RCAN2: variants seen among roughly 807,000 people sequenced by gnomAD.
RCAN2 encodes regulator of calcineurin 2.
A neutral mutation model predicts 23.6 loss-of-function variants in RCAN2; 9 were observed. The observed-to-expected ratio is 0.38, with a 90% CI of 0.23 to 0.67. RCAN2 has a LOEUF of 0.67. RCAN2 is among the 30% of genes least tolerant of loss of function. The pLI is 0.51. For synonymous variants in RCAN2, 109 were observed against 115.7 expected, an observed-to-expected ratio of 0.94 and a Z score of 0.37; for missense variants, 273 against 302.3, an observed-to-expected ratio of 0.90 and a Z score of 0.72.
At chr6:46,432,699 G>A (rs1007206700) in intron 2 of RCAN2, among the ~76,000 whole-genome samples, 22 of 152,078 alleles carry the variant, frequency 1.4e-4, no homozygotes, top group African/African-American at 4.3e-4. Context: ...AATACATGCC[G>A]AAGATATTAG....
At chr6:46,454,490 G>A (rs1217821013) in intron 2 of RCAN2, among the ~76,000 whole-genome samples, 2 of 152,036 alleles carry the variant, frequency 1.3e-5, no homozygotes, top group Admixed American at 1.3e-4. Context: ...TTAAATCCAT[G>A]TCAGATTATT....
chr6:46,423,059 G>A (rs1393418240), intron 2 of RCAN2, among the ~76,000 whole-genome samples: 1 of 152,146 alleles, frequency 6.6e-6, no homozygotes, highest in Non-Finnish European at 1.5e-5. Context: ...TCCTGGGGAG[G>A]TCCAGGTGTT....
intron 1 of RCAN2, among the ~76,000 whole-genome samples, chr6:46,485,242 G>A (rs1166221850): frequency 3.3e-5 from 5 of 152,176 alleles, no homozygotes; most frequent in Non-Finnish European, 7.3e-5. Flanking sequence ...ATTATGCGTG[G>A]AAATGCTATG....
At chr6:46,240,842 CCTTA>C (rs1766279371) in intron 4 of RCAN2, among the ~76,000 whole-genome samples, 1 of 152,074 alleles carries the variant, frequency 6.6e-6, no homozygotes, top group African/African-American at 2.4e-5. Flanking sequence ...AGCAAAATTG[CCTTA>C]CTATGTCATG....
chr6:46,479,692 C>T (rs1156354762), intron 1 of RCAN2, among the ~76,000 whole-genome samples: 1 of 149,674 alleles, frequency 6.7e-6, no homozygotes, highest in Non-Finnish European at 1.5e-5. Context: ...AAGCAATTCT[C>T]CTGCCTCAGC....
chr6:46,355,915 G>C (rs1187927143), intron 2 of RCAN2, among the ~76,000 whole-genome samples: 1 of 152,226 alleles, frequency 6.6e-6, no homozygotes, highest in African/African-American at 2.4e-5. Flanking sequence ...ACCTCATGCT[G>C]CTCCACTTGG....
chr6:46,230,654 G>A (rs768820339), intron 4 of RCAN2, among the ~76,000 whole-genome samples: 3 of 152,152 alleles, frequency 2.0e-5, no homozygotes, highest in East Asian at 1.9e-4. Flanking sequence ...GGAGTGACCC[G>A]ACTTTCCAGG....
chr6:46,310,939 T>C (rs932198603), intron 2 of RCAN2, among the ~76,000 whole-genome samples: 2 of 152,162 alleles, frequency 1.3e-5, no homozygotes, highest in Non-Finnish European at 2.9e-5. Context: ...ATATCATTAA[T>C]AGACTCAGTA....
At chr6:46,367,022 GATAT>G (rs60245042) in intron 2 of RCAN2, among the ~76,000 whole-genome samples, 879 of 59,640 alleles carry the variant, frequency 0.015, 79 homozygotes, top group South Asian at 0.03. Context: ...ATCTGGGATG[GATAT>G]ATATATATAT....
At position 46,221,981 on chromosome 6, in the gene RCAN2, C is replaced by T; in HGVS notation, c.*1160G>A. ...GCATACATGTAGCTATCATCCTTCC[C>T]CATTTTAACATGCTCAGCTGCTGCT... On this transcript the variant is annotated 3_prime_UTR_variant, in exon 5 of 5. Transcript: ENST00000371374. 2.5e-6 allele frequency: 1 copy of T among 398,528 alleles called. No homozygotes were observed. The highest frequency in any genetic ancestry group is 4.4e-6 in the Non-Finnish European group (1 of 226,010). The allele number at this position is 398,528 out of a possible 1,614,324, so 24.7% of individuals were successfully genotyped here. A position where few individuals can be genotyped will look rare whatever the true frequency, so the allele number is the denominator to read the frequency against.
intron 2 of RCAN2, among the ~76,000 whole-genome samples, chr6:46,388,089 G>A (rs1289523243): frequency 3.3e-5 from 5 of 151,390 alleles, no homozygotes; most frequent in South Asian, 2.1e-4. Context: ...AACATCACAC[G>A]CTGGGGCCTG....
At chr6:46,373,553 A>C (rs1426917400) in intron 2 of RCAN2, among the ~76,000 whole-genome samples, 1 of 152,196 alleles carries the variant, frequency 6.6e-6, no homozygotes, top group African/African-American at 2.4e-5. Context: ...CACCATGCCC[A>C]GACTATTTTT....
chr6:46,408,285 C>A (rs1464723995), intron 2 of RCAN2, among the ~76,000 whole-genome samples: 1 of 152,186 alleles, frequency 6.6e-6, no homozygotes, highest in African/African-American at 2.4e-5. Context: ...CGATATGAGG[C>A]TAAACAGCTG....
intron 1 of RCAN2, among the ~76,000 whole-genome samples, chr6:46,482,258 A>G (rs1220238293): frequency 6.6e-6 from 1 of 152,120 alleles, no homozygotes; most frequent in East Asian, 1.9e-4. Context: ...AGGATATTAA[A>G]TTTAATATGC....
In RCAN2 at chr6:46,397,474, T is replaced by C. The variant is rs140365400; in HGVS notation, c.225+59278A>G. Among the ~76,000 whole-genome samples, 968 of 152,218 alleles carry C rather than the reference T, an allele frequency of 6.4e-3. 12 individuals are homozygous for C. Among genetic ancestry groups the C allele is most frequent in the African/African-American group, 0.023 (940 of 41,536 alleles). On this transcript the variant is annotated intron_variant, in intron 2 of 4. Transcript: ENST00000371374. ...AGTCTAGTTAAGAGTATTATTCTAA[T>C]GTCAATTTCCTGGTTTTAATAATGT...
chr6:46,267,999 GA>G lies in RCAN2; in HGVS notation c.226-19104del, dbSNP rs1016548885. Among the ~76,000 whole-genome samples the G allele has an allele frequency of 4.6e-3, 698 of 150,426 alleles. 5 individuals carry two copies. Among genetic ancestry groups the G allele is most frequent in the African/African-American group, 0.016 (646 of 41,042 alleles). Reference sequence around the variant, plus strand: ...TATAAAAGTAACAAAAGCAGTGGTAGAAAAAAAAATAGCCACATAGAGAAGT... The same window carrying G: ...TATAAAAGTAACAAAAGCAGTGGTAGAAAAAAAATAGCCACATAGAGAAGT... On this transcript the variant is annotated intron_variant, in intron 2 of 4. Transcript: ENST00000371374.
At chr6:46,365,478 AAAAAGAAAAGAAAAG>A (rs59257652) in intron 2 of RCAN2, among the ~76,000 whole-genome samples, 2 of 145,704 alleles carry the variant, frequency 1.4e-5, no homozygotes, top group South Asian at 2.2e-4. Flanking sequence ...CTCCATCTCA[AAAAAGAAAAGAAAAG>A]AAAAGAAAAG....
At chr6:46,354,205 C>CTGTGTGTGTGTGTG (rs56237510) in intron 2 of RCAN2, among the ~76,000 whole-genome samples, 9 of 132,984 alleles carry the variant, frequency 6.8e-5, no homozygotes, top group South Asian at 5.3e-4. Context: ...TGTTATTTTA[C>CTGTGTGTGTGTGTG]TGTGTGTGTG....
In RCAN2 at chr6:46,222,954, A is replaced by G. The variant is rs1765524188; in HGVS notation, c.*187T>C. 1.6e-6 allele frequency: 1 copy of G among 617,816 alleles called. No individual in the cohort carries two copies. The highest frequency in any genetic ancestry group is 3.0e-5 in the Admixed American group (1 of 33,272). 38.3% of individuals were successfully genotyped at this position (617,816 alleles called of 1,614,324 possible). The stretch of plus-strand genomic sequence containing the variant: ...CCTTCTAAATAATGGGTTATACTTA[A>G]TGGGTATGATATGATCAGGAGACAT... On this transcript the variant is annotated 3_prime_UTR_variant, in exon 5 of 5. Coordinates refer to ENST00000371374, the MANE Select transcript of RCAN2 (RefSeq NM_001251974.2).
Sources: allele counts gnomAD v4.1 joint callset (sites outside exome capture counted in the v4.1 genomes callset), GRCh38; gene constraint gnomAD v4.1.1; transcripts MANE v1.5; gene names NCBI Gene and HGNC (gene_info 2026-07-23, HGNC 2026-07-21).